Variants in NALF1 observed in about 807,000 individuals in gnomAD.
The protein encoded by NALF1 is family with sequence similarity 155 member A.
NALF1 carries 3 observed loss-of-function variants against 48.4 expected under a neutral mutation model. That is an observed-to-expected ratio of 0.06 (90% CI 0.03 to 0.16). The LOEUF (loss-of-function observed/expected upper bound fraction) is 0.16, where lower values mean the gene tolerates loss of function less well. Ranked by LOEUF, NALF1 falls within the 10% of genes least tolerant of loss-of-function variation. NALF1 has a pLI of 1.00. For missense variants in NALF1, 526 were observed against 571.5 expected (o/e 0.92, Z 0.81); for synonymous variants, 262 against 245.7 (o/e 1.07, Z -0.62).
At chr13:107,363,450 T>C (rs1883100391) in intron 1 of NALF1, among the ~76,000 whole-genome samples, 1 of 152,016 alleles carries the variant, frequency 6.6e-6, no homozygotes, top group Non-Finnish European at 1.5e-5. Context: ...AGTAAAAAGA[T>C]TATTGGGGCA....
At chr13:107,279,025 C>T (rs1399953203) in intron 1 of NALF1, among the ~76,000 whole-genome samples, 4 of 140,746 alleles carry the variant, frequency 2.8e-5, no homozygotes, top group Non-Finnish European at 4.6e-5. Flanking sequence ...CAGGTCTTTC[C>T]TTTTCTTTTC....
intron 1 of NALF1, among the ~76,000 whole-genome samples, chr13:107,354,195 T>G (rs1882922912): frequency 6.6e-6 from 1 of 152,164 alleles, no homozygotes; most frequent in Non-Finnish European, 1.5e-5. Context: ...CTGTAACTTG[T>G]GGACAGGGCA....
At chr13:107,332,394 A>G (rs1323487052) in intron 1 of NALF1, among the ~76,000 whole-genome samples, 2 of 152,220 alleles carry the variant, frequency 1.3e-5, no homozygotes, top group Non-Finnish European at 1.5e-5. Flanking sequence ...GCAGGAGTAG[A>G]AAAATACAAC....
At chr13:107,796,011 T>A (rs1005213184) in intron 1 of NALF1, among the ~76,000 whole-genome samples, 2 of 152,200 alleles carry the variant, frequency 1.3e-5, no homozygotes, top group Admixed American at 6.5e-5. Flanking sequence ...TTGATATTGG[T>A]GAGTGTCTTA....
At position 107,866,872 on chromosome 13, in the gene NALF1, A is replaced by C; in HGVS notation, c.-276T>G. The C allele has an allele frequency of 3.5e-4, 154 of 439,258 alleles. No homozygotes were observed. Among genetic ancestry groups the C allele is most frequent in the East Asian group, 8.6e-4 (20 of 23,212 alleles). 27.2% of individuals were successfully genotyped at this position (439,258 alleles called of 1,614,324 possible). A position where few individuals can be genotyped will look rare whatever the true frequency, so the allele number is the denominator to read the frequency against. On this transcript the variant is annotated 5_prime_UTR_variant, in exon 1 of 3. It removes an upstream start codon present in the reference 5' UTR. Coordinates refer to ENST00000375915, the MANE Select transcript of NALF1 (RefSeq NM_001080396.3). This position sits in a 1 kb window ranked among gnomAD's most constrained non-coding sequence, Gnocchi z 4.4. ...TGCTTCCTAATCATCAGCCGACCCC[A>C]TCCTCTGTAGAGTGGGAAACAATAA...
chr13:107,382,416 T>C (rs112861055), intron 1 of NALF1, among the ~76,000 whole-genome samples: 3,234 of 152,334 alleles, frequency 0.021, 113 homozygotes, highest in African/African-American at 0.073. Context: ...TTTTACTTCT[T>C]AATTTTTTCT....
At chr13:107,263,351 A>G (rs1051651080) in intron 1 of NALF1, among the ~76,000 whole-genome samples, 10 of 152,020 alleles carry the variant, frequency 6.6e-5, no homozygotes, top group African/African-American at 2.4e-4. Flanking sequence ...ATTATTACAG[A>G]AAGCATTTTG....
chr13:107,852,202 A>G (rs1880337571), intron 1 of NALF1, among the ~76,000 whole-genome samples: 1 of 152,084 alleles, frequency 6.6e-6, no homozygotes, highest in Non-Finnish European at 1.5e-5. Flanking sequence ...TTCCTTTAAT[A>G]AGCATCGTGT....
intron 2 of NALF1, among the ~76,000 whole-genome samples, chr13:107,181,367 C>A (rs557937837): frequency 5.9e-4 from 89 of 151,590 alleles, no homozygotes; most frequent in Non-Finnish European, 9.2e-4. Context: ...AAAACACTTA[C>A]TGATCTAAAT....
At chr13:107,746,685 G>GCTTCTTTT (rs1485981823) in intron 1 of NALF1, among the ~76,000 whole-genome samples, 13 of 152,142 alleles carry the variant, frequency 8.5e-5, no homozygotes, top group Non-Finnish European at 1.5e-4. Flanking sequence ...AATGTTAACA[G>GCTTCTTTT]GAAAGGAACA....
chr13:107,233,667 A>G (rs1363938627), intron 1 of NALF1, among the ~76,000 whole-genome samples: 1 of 152,218 alleles, frequency 6.6e-6, no homozygotes, highest in Non-Finnish European at 1.5e-5. Flanking sequence ...GCTGATTTCT[A>G]TCTGGCTCTG....
At chr13:107,229,481 T>C (rs986317424) in intron 1 of NALF1, among the ~76,000 whole-genome samples, 1 of 152,198 alleles carries the variant, frequency 6.6e-6, no homozygotes, top group Admixed American at 6.5e-5. Context: ...TTAAAAGTGC[T>C]TTATATAACT....
chr13:107,491,865 AAG>A (rs761430456), intron 1 of NALF1, among the ~76,000 whole-genome samples: 1 of 152,094 alleles, frequency 6.6e-6, no homozygotes, highest in Non-Finnish European at 1.5e-5. Context: ...ATAGGAGTAA[AAG>A]AGAGGAAATA....
chr13:107,860,640 T>C (rs1880547688), intron 1 of NALF1, among the ~76,000 whole-genome samples: 1 of 152,186 alleles, frequency 6.6e-6, no homozygotes, highest in Non-Finnish European at 1.5e-5. Context: ...TAGATCAATA[T>C]AAACAACAAA....
intron 1 of NALF1, among the ~76,000 whole-genome samples, chr13:107,801,436 A>G (rs1218185600): frequency 6.6e-6 from 1 of 152,222 alleles, no homozygotes; most frequent in Non-Finnish European, 1.5e-5. Context: ...GGAGGCTGGC[A>G]TAATTGTAAC....
chr13:107,713,122 G>C (rs182590240), intron 1 of NALF1, among the ~76,000 whole-genome samples: 2 of 152,164 alleles, frequency 1.3e-5, no homozygotes, highest in Middle Eastern at 3.2e-3. Context: ...CAGGGGCTAC[G>C]GCAAAGCAGC....
chr13:107,756,435 C>CTATATATATATATATATATATA lies in NALF1; in HGVS notation c.915+109246_915+109247insTATATATATATATATATATATA, dbSNP rs148971349. The stretch of plus-strand genomic sequence containing the variant: ...ACTAAATATTAAATAAGTTTAATGG[C>CTATATATATATATATATATATA]TATATATATATATATATATAAAGCA... On this transcript the variant is annotated intron_variant, in intron 1 of 2. Coordinates refer to ENST00000375915, the MANE Select transcript of NALF1 (RefSeq NM_001080396.3). 3.2e-3 allele frequency among the ~76,000 whole-genome samples: 448 copies of CTATATATATATATATATATATA among 140,870 alleles called. 2 individuals are homozygous for CTATATATATATATATATATATA. The highest frequency in any genetic ancestry group is 4.7e-3 in the Admixed American group (66 of 14,026). The allele number at this position is 140,870 out of a possible 152,430, so 92.4% of individuals were successfully genotyped here. A position where few individuals can be genotyped will look rare whatever the true frequency, so the allele number is the denominator to read the frequency against.
At chr13:107,265,806 T>A (rs565757527) in intron 1 of NALF1, among the ~76,000 whole-genome samples, 110 of 152,332 alleles carry the variant, frequency 7.2e-4, no homozygotes, top group African/African-American at 2.6e-3. Context: ...ATTAATATAT[T>A]GAAATTTTTT....
intron 1 of NALF1, among the ~76,000 whole-genome samples, chr13:107,518,413 T>G (rs533800535): frequency 1.5e-4 from 23 of 152,086 alleles, no homozygotes; most frequent in Non-Finnish European, 3.2e-4. Context: ...TTTTTTGAAA[T>G]GAGTGAAATG....
Sources: gnomAD v4.1 joint callset for allele counts (sites outside exome capture counted in the v4.1 genomes callset) on GRCh38, gnomAD v4.1.1 for gene constraint, Gnocchi (gnomAD v3.1) non-coding constraint, MANE v1.5 for transcripts, NCBI Gene and HGNC (gene_info 2026-07-23, HGNC 2026-07-21) for gene names.